Variants in DDHD2 observed in about 807,000 individuals in gnomAD.
The protein encoded by DDHD2 is DDHD domain containing 2.
In DDHD2, 62 loss-of-function variants were observed where a neutral mutation model predicts 91.2. That is an observed-to-expected ratio of 0.68 (90% CI 0.55 to 0.84). DDHD2 has a LOEUF of 0.84. DDHD2 is among the 40% of genes least tolerant of loss of function. The pLI is 0.00. For synonymous variants in DDHD2, 271 were observed against 293.9 expected (o/e 0.92, Z 0.80); for missense variants, 740 against 846.9 (o/e 0.87, Z 1.57).
intron 1 of DDHD2, 86 bp from the exon 2 acceptor site, chr8:38,232,901 C>A: frequency 1.2e-6 from 1 of 838,628 alleles, no homozygotes; most frequent in Non-Finnish European, 1.9e-6. Flanking sequence ...GAAATGGCTC[C>A]GTAAAATGAT....
chr8:38,256,579 C>T (rs962581070), intron 16 of DDHD2, among the ~76,000 whole-genome samples: 1 of 152,116 alleles, frequency 6.6e-6, no homozygotes, highest in African/African-American at 2.4e-5. Context: ...TGCTTTGGCC[C>T]CCCAAGCTGT....
intron 4 of DDHD2, 21 bp from the exon 5 acceptor site, chr8:38,238,068 C>A: frequency 6.3e-7 from 1 of 1,582,412 alleles, no homozygotes; most frequent in Non-Finnish European, 8.6e-7. Flanking sequence ...ATTTTTATTG[C>A]TCTGATCTGT....
At chr8:38,248,732 G>T (rs973138301) in intron 10 of DDHD2, among the ~76,000 whole-genome samples, 2 of 151,780 alleles carry the variant, frequency 1.3e-5, no homozygotes, top group African/African-American at 4.8e-5. Flanking sequence ...AGATCACGAG[G>T]TCAGGAGTTC....
At chr8:38,242,140 G>A in intron 6 of DDHD2, 110 bp from the exon 7 acceptor site, 2 of 821,214 alleles carry the variant, frequency 2.4e-6, no homozygotes, top group East Asian at 2.7e-5. Context: ...ACGGAAGTCA[G>A]TATGTGTTCT....
At chr8:38,251,860 G>A in intron 11 of DDHD2, 52 bp from the exon 12 acceptor site, 2 of 1,345,480 alleles carry the variant, frequency 1.5e-6, no homozygotes, top group South Asian at 2.4e-5. Flanking sequence ...TGGGACTACA[G>A]GTGCATGCCG....
At chr8:38,266,334 G>C, downstream of DDHD2, 2 of 1,600,628 alleles carry the variant, frequency 1.2e-6, no homozygotes, top group South Asian at 1.1e-5. Context: ...AAACTTTTAA[G>C]TGGTTTGTCT....
At position 38,245,906 on chromosome 8, in the gene DDHD2, A is replaced by G; in HGVS notation, c.1013A>G (p.Asn338Ser). The change falls in exon 8 of 18, where the codon AAC becomes AGC. Residue 338 changes from asparagine to serine, a missense_variant. By Grantham distance (46) the Asn-to-Ser change is conservative. Coordinates refer to ENST00000397166, the MANE Select transcript of DDHD2 (RefSeq NM_015214.3). ...ATATACACACTTTTTCTACAGAGGA[A>G]CCCTGATTTCAAAGGGGGTGTATCC... ...NRIYTLFLQR[N>S]PDFKGGVSIA... The G allele has an allele frequency of 6.2e-7, 1 of 1,613,986 alleles. No individual in the cohort carries two copies. Among genetic ancestry groups the G allele is most frequent in the Non-Finnish European group, 8.5e-7 (1 of 1,180,024 alleles).
intron 16 of DDHD2, 100 bp downstream of exon 16, chr8:38,253,818 G>C: frequency 8.0e-7 from 1 of 1,245,868 alleles, no homozygotes. Flanking sequence ...ATTGGCTCAG[G>C]CTTATAATCT....
At chr8:38,234,607 A>T in intron 3 of DDHD2, 23 bp downstream of exon 3, 1 of 1,537,826 alleles carries the variant, frequency 6.5e-7, no homozygotes, top group Non-Finnish European at 8.8e-7. Flanking sequence ...CTCTTTTTTT[A>T]CTTATTCTTT....
chr8:38,252,037 T>G lies in DDHD2; in HGVS notation c.1461+9T>G. 1 of 1,612,792 alleles carries G rather than the reference T, an allele frequency of 6.2e-7. No individual in the cohort carries two copies. The highest frequency in any genetic ancestry group is 8.5e-7 in the Non-Finnish European group (1 of 1,178,708). On this transcript the variant is annotated intron_variant, in intron 12 of 17. Coordinates refer to ENST00000397166, the MANE Select transcript of DDHD2 (RefSeq NM_015214.3). Reference sequence around the variant, plus strand: ...ATGTTGGCATTGGGCAGGTAACTAATTCTCTTTGATCATTTTACAGCCTGC... The same window carrying G: ...ATGTTGGCATTGGGCAGGTAACTAAGTCTCTTTGATCATTTTACAGCCTGC...
chr8:38,266,337 G>A, downstream of DDHD2: 2 of 1,597,012 alleles, frequency 1.3e-6, no homozygotes, highest in Non-Finnish European at 1.7e-6. Flanking sequence ...CTTTTAAGTG[G>A]TTTGTCTTTT....
intron 1 of DDHD2, chr8:38,268,618 C>T: frequency 6.9e-7 from 1 of 1,442,196 alleles, no homozygotes; most frequent in Non-Finnish European, 9.1e-7. Flanking sequence ...CAGTGAACAG[C>T]AGCGCCCGTG....
chr8:38,263,973 G>GT (rs1807232819), downstream of DDHD2: 1 of 985,480 alleles, frequency 1.0e-6, no homozygotes, highest in Admixed American at 6.1e-5. Flanking sequence ...GAAAAGAACC[G>GT]TAACTCCTCA....
intron 16 of DDHD2, 36 bp from the exon 17 acceptor site, chr8:38,260,000 TGTTA>T (rs753435596): frequency 3.8e-5 from 48 of 1,274,174 alleles, no homozygotes; most frequent in Non-Finnish European, 5.2e-5. Context: ...TTGGCACAAG[TGTTA>T]GTTCCTTTTC....
rs932739231 is a variant in DDHD2, at chr8:38,257,763, C to G, written c.2055-2277C>G. Among the ~76,000 whole-genome samples, 2 of 148,230 alleles carry G rather than the reference C, an allele frequency of 1.3e-5. 1 individual carries two copies. The highest frequency in any genetic ancestry group is 6.4e-3 in the Middle Eastern group (2 of 312). ...CACTGCAACCTCTGCCTGCCAGGTT[C>G]AAGTGATTCTCCTGCCTCAGCCTCC... On this transcript the variant is annotated intron_variant, in intron 16 of 17. Transcript: ENST00000397166.
chr8:38,240,002 C>T lies in DDHD2; in HGVS notation c.623-273C>T, dbSNP rs963627312. ...CCTCCCAAAGTGCTGGGATTACAGC[C>T]GTGAGCCACCGCGCCCAGCCGAGTT... On this transcript the variant is annotated intron_variant, in intron 5 of 17. Coordinates refer to ENST00000397166, the MANE Select transcript of DDHD2 (RefSeq NM_015214.3). 7.3e-5 allele frequency among the ~76,000 whole-genome samples: 11 copies of T among 151,324 alleles called. No homozygotes were observed. The East Asian group carries it at 1.6e-3, about 22-fold the overall frequency.
chr8:38,254,075 C>CAAAA lies in DDHD2; in HGVS notation c.2054+367_2054+370dup, dbSNP rs76331678. On this transcript the variant is annotated intron_variant, in intron 16 of 17. Transcript: ENST00000397166. ...TGGGTGACAGAGCAAGACCCTGTCT[C>CAAAA]AAAAAAAAAAAAAGACCTGTGTACC... Among the ~76,000 whole-genome samples the CAAAA allele has an allele frequency of 3.1e-3, 418 of 133,506 alleles. 2 individuals carry two copies. Among genetic ancestry groups the CAAAA allele is most frequent in the African/African-American group, 8.0e-3 (290 of 36,078 alleles). 87.6% of individuals were successfully genotyped at this position (133,506 alleles called of 152,430 possible).
chr8:38,233,300 A>C (rs1385602139), intron 2 of DDHD2, 86 bp downstream of exon 2: 6 of 1,078,552 alleles, frequency 5.6e-6, no homozygotes, highest in Non-Finnish European at 8.0e-6. Context: ...AGTGCTATGA[A>C]AACCAAATTT....
rs551594514 is a variant in DDHD2, at chr8:38,238,393, C to A, written c.622+184C>A. The A allele has an allele frequency of 7.3e-6, 10 of 1,366,204 alleles. 1 individual carries two copies. Among genetic ancestry groups the A allele is most frequent in the South Asian group, 3.1e-5 (2 of 64,196 alleles). 84.6% of individuals were successfully genotyped at this position (1,366,204 alleles called of 1,614,324 possible). A position where few individuals can be genotyped will look rare whatever the true frequency, so the allele number is the denominator to read the frequency against. ...AGAATCTTAATAGATGTAAAAATAT[C>A]TTTTAAAACATATGGTAGGATGGGT... On this transcript the variant is annotated intron_variant, in intron 5 of 17. Transcript: ENST00000397166.
Sources: gnomAD v4.1 joint callset for allele counts (sites outside exome capture counted in the v4.1 genomes callset) on GRCh38, gnomAD v4.1.1 for gene constraint, MANE v1.5 for transcripts, NCBI Gene and HGNC (gene_info 2026-07-23, HGNC 2026-07-21) for gene names.